ACTN4: variants seen among roughly 807,000 people sequenced by gnomAD.
ACTN4 encodes the protein actinin alpha 4.
ACTN4 carries 18 observed loss-of-function variants against 114.2 expected under a neutral mutation model. The ratio of observed to expected loss-of-function variants is 0.16; its 90% CI spans 0.11 to 0.23. ACTN4 has a LOEUF of 0.23. ACTN4 is among the 10% of genes least tolerant of loss of function. ACTN4 has a pLI of 1.00. For synonymous variants in ACTN4, 515 were observed against 506.3 expected (o/e 1.02, Z -0.23); for missense variants, 722 against 1,262.9 (o/e 0.57, Z 6.49).
In ACTN4 at chr19:38,727,615, A is replaced by T. The variant is rs1419158834; in HGVS notation, c.2338-331A>T. ...CCCCTCTGTCCCACTCCAAATCCCA[A>T]AGGCAAGGAGAACCCCCCCCCCGAC... On this transcript the variant is annotated intron_variant, in intron 18 of 20. Coordinates refer to ENST00000252699, the MANE Select transcript of ACTN4 (RefSeq NM_004924.6). This position sits in a 1 kb window ranked among gnomAD's most constrained non-coding sequence, Gnocchi z 5.4. 6.7e-6 allele frequency among the ~76,000 whole-genome samples: 1 copy of T among 149,874 alleles called. No individual in the cohort carries two copies.
chr19:38,649,727 G>T (rs755903902), intron 1 of ACTN4, among the ~76,000 whole-genome samples: 21 of 152,106 alleles, frequency 1.4e-4, no homozygotes, highest in Non-Finnish European at 2.8e-4. Flanking sequence ...TCTCGAGGGC[G>T]CGAGTTGGTG....
chr19:38,696,256 T>C (rs1004433724), intron 1 of ACTN4, among the ~76,000 whole-genome samples: 16 of 152,272 alleles, frequency 1.1e-4, no homozygotes, highest in Middle Eastern at 6.8e-3. Flanking sequence ...CTCACTGTTA[T>C]GGATTCAGCA....
At chr19:38,651,497 A>G (rs1976560571) in intron 1 of ACTN4, among the ~76,000 whole-genome samples, 1 of 152,186 alleles carries the variant, frequency 6.6e-6, no homozygotes, top group African/African-American at 2.4e-5. Flanking sequence ...TTGTCCTGGA[A>G]GGGTGAGATC....
chr19:38,694,557 G>C lies in ACTN4; in HGVS notation c.163-6043G>C, dbSNP rs940371994. 5.9e-5 allele frequency among the ~76,000 whole-genome samples: 9 copies of C among 152,208 alleles called. No individual in the cohort carries two copies. The East Asian group carries it at 1.7e-3, about 29-fold the overall frequency. On this transcript the variant is annotated intron_variant, in intron 1 of 20. Transcript: ENST00000252699. Reference sequence around the variant, plus strand: ...TTACAGGTGCGAGCCACTGCGCCCGGCCCTGGCTGGGGGCTTCTTGACCTG... The same window carrying C: ...TTACAGGTGCGAGCCACTGCGCCCGCCCCTGGCTGGGGGCTTCTTGACCTG...
chr19:38,649,847 G>A (rs1250602370), intron 1 of ACTN4, among the ~76,000 whole-genome samples: 3 of 152,096 alleles, frequency 2.0e-5, no homozygotes, highest in Non-Finnish European at 4.4e-5. Flanking sequence ...GCATAACCTT[G>A]GGTCCATTAC....
At chr19:38,666,308 G>A (rs1966958634) in intron 1 of ACTN4, among the ~76,000 whole-genome samples, 1 of 152,198 alleles carries the variant, frequency 6.6e-6, no homozygotes, top group South Asian at 2.1e-4. Flanking sequence ...CCCTAACAGG[G>A]TGCAGGCCTG....
At chr19:38,657,169 G>A (rs1163413935) in intron 1 of ACTN4, among the ~76,000 whole-genome samples, 2 of 151,052 alleles carry the variant, frequency 1.3e-5, no homozygotes, top group Non-Finnish European at 2.9e-5. Flanking sequence ...TTGAGATGGA[G>A]TCTCACTCTG....
intron 4 of ACTN4, among the ~76,000 whole-genome samples, chr19:38,705,808 G>A (rs555562975): frequency 6.6e-6 from 1 of 152,326 alleles, no homozygotes; most frequent in East Asian, 1.9e-4. Context: ...TCTCCTCGGG[G>A]CCGTGAGGAT....
rs981580655 is a variant in ACTN4, at chr19:38,727,470, A to G, written c.2337+367A>G. ...AATTCAGATTTGGTCCGGCAGCCTC[A>G]TCAGAGGGGCCCTGAGCGCCAGAGT... On this transcript the variant is annotated intron_variant, in intron 18 of 20. Transcript: ENST00000252699. The surrounding 1 kb of genome is among the most constrained non-coding windows in gnomAD (Gnocchi z 5.4). Among the ~76,000 whole-genome samples the G allele has an allele frequency of 6.6e-6, 1 of 152,104 alleles. No homozygotes were observed. The highest frequency in any genetic ancestry group is 2.4e-5 in the African/African-American group (1 of 41,414).
rs907681690 is a variant in ACTN4 at position 38,717,304 on chromosome 19, C to G, written c.1131C>G (p.Gly377=). 25 of 1,613,892 alleles carry G rather than the reference C, an allele frequency of 1.5e-5. No homozygotes were observed. The highest frequency in any genetic ancestry group is 2.1e-5 in the Non-Finnish European group (25 of 1,179,926). ...SNRPAFMPSE[G]KMVSDINNGW... Reference sequence around the variant, plus strand: ...GGCCCGCCTTCATGCCCTCCGAGGGCAAGATGGTCTCGGTGAGCACCAGGA... The same window carrying G: ...GGCCCGCCTTCATGCCCTCCGAGGGGAAGATGGTCTCGGTGAGCACCAGGA... Residue 377 remains glycine, a synonymous_variant, in exon 10 of 21, where the codon GGC becomes GGG. Transcript: ENST00000252699. The surrounding 1 kb of genome is among the most constrained non-coding windows in gnomAD (Gnocchi z 4.0).
chr19:38,670,960 G>A (rs1304305012), intron 1 of ACTN4, among the ~76,000 whole-genome samples: 1 of 150,782 alleles, frequency 6.6e-6, no homozygotes, highest in Admixed American at 6.6e-5. Flanking sequence ...TACAAAATAG[G>A]GCCTATTGGG....
rs1166186328 is a variant in ACTN4, at chr19:38,727,163, C to T, written c.2337+60C>T. The T allele has an allele frequency of 1.2e-6, 2 of 1,611,870 alleles. No homozygotes were observed. The highest frequency in any genetic ancestry group is 1.1e-5 in the South Asian group (1 of 90,984). On this transcript the variant is annotated intron_variant, in intron 18 of 20. Transcript: ENST00000252699. This position sits in a 1 kb window ranked among gnomAD's most constrained non-coding sequence, Gnocchi z 5.4. The stretch of plus-strand genomic sequence containing the variant: ...CCCGCCGTTGCCGTACCAGCCCACA[C>T]CTTCGTCTCTGCATCTGTTCGTCCA...
At chr19:38,673,627 TCA>T (rs1258159224) in intron 1 of ACTN4, among the ~76,000 whole-genome samples, 13 of 56,648 alleles carry the variant, frequency 2.3e-4, no homozygotes, top group Admixed American at 1.4e-3. Context: ...TTATATATAT[TCA>T]TATATATTTA....
intron 19 of ACTN4, chr19:38,728,448 T>TCCTCCTCCC (rs1568751991): frequency 1.4e-5 from 10 of 730,940 alleles, no homozygotes; most frequent in African/African-American, 4.5e-5. Context: ...CTCCTCCTCC[T>TCCTCCTCCC]CCCCCCCACC....
At chr19:38,703,671 G>A (rs1030785835) in intron 3 of ACTN4, among the ~76,000 whole-genome samples, 4 of 152,162 alleles carry the variant, frequency 2.6e-5, no homozygotes, top group Non-Finnish European at 4.4e-5. Flanking sequence ...TCCAGTGGTG[G>A]TCAGAGCAGC....
chr19:38,697,686 AG>A (rs1968139520), intron 1 of ACTN4, among the ~76,000 whole-genome samples: 1 of 152,238 alleles, frequency 6.6e-6, no homozygotes, highest in Non-Finnish European at 1.5e-5. Flanking sequence ...CCTGCAGCCC[AG>A]GTGCCTAGGT....
intron 3 of ACTN4, among the ~76,000 whole-genome samples, chr19:38,704,352 G>C (rs932925613): frequency 6.6e-6 from 1 of 152,222 alleles, no homozygotes; most frequent in African/African-American, 2.4e-5. Context: ...GATTATGGGC[G>C]GGAAGGGTAC....
chr19:38,672,077 T>C (rs1967145559), intron 1 of ACTN4, among the ~76,000 whole-genome samples: 1 of 152,116 alleles, frequency 6.6e-6, no homozygotes, highest in Non-Finnish European at 1.5e-5. Flanking sequence ...CCTGTCATGT[T>C]ATTCTGCTAT....
intron 1 of ACTN4, among the ~76,000 whole-genome samples, chr19:38,656,267 C>G (rs747204202): frequency 5.3e-5 from 8 of 152,126 alleles, no homozygotes; most frequent in Non-Finnish European, 8.8e-5. Flanking sequence ...TGCACACCAC[C>G]ACGCCTGACT....
Sources: allele counts gnomAD v4.1 joint callset (sites outside exome capture counted in the v4.1 genomes callset), GRCh38; gene constraint gnomAD v4.1.1; non-coding constraint Gnocchi (gnomAD v3.1); transcripts MANE v1.5; gene names NCBI Gene and HGNC (gene_info 2026-07-23, HGNC 2026-07-21).